Variants in SYN3 observed in about 807,000 individuals in gnomAD.
The protein encoded by SYN3 is synapsin III, also known as synapsin-3.
SYN3 carries 35 observed loss-of-function variants against 65.8 expected under a neutral mutation model. That is an observed-to-expected ratio of 0.53 (90% confidence interval 0.41 to 0.70). The LOEUF (loss-of-function observed/expected upper bound fraction) is 0.70. SYN3 is among the 30% of genes least tolerant of loss of function. SYN3 has a pLI of 0.00. For synonymous variants in SYN3, 270 were observed against 292.9 expected (o/e 0.92, Z 0.80); for missense variants, 680 against 749.0 (o/e 0.91, Z 1.08).
chr22:32,557,795 TA>T (rs1489799373), intron 7 of SYN3, among the ~76,000 whole-genome samples: 1 of 152,244 alleles, frequency 6.6e-6, no homozygotes, highest in East Asian at 1.9e-4. Flanking sequence ...TGGCACTTCC[TA>T]AACAACCCAA....
At chr22:33,027,342 A>T (rs1283693032) in intron 1 of SYN3, among the ~76,000 whole-genome samples, 1 of 152,170 alleles carries the variant, frequency 6.6e-6, no homozygotes, top group Non-Finnish European at 1.5e-5. Context: ...CACGCCTGTA[A>T]TCCCAGCACT....
chr22:32,626,273 C>T (rs570374811), intron 6 of SYN3, among the ~76,000 whole-genome samples: 10 of 152,216 alleles, frequency 6.6e-5, no homozygotes, highest in Admixed American at 3.9e-4. Flanking sequence ...GGGACACACA[C>T]GCATCTCTCT....
At chr22:32,795,959 A>ATGTC (rs751141506) in intron 6 of SYN3, among the ~76,000 whole-genome samples, 3 of 152,128 alleles carry the variant, frequency 2.0e-5, no homozygotes, top group African/African-American at 4.8e-5. Flanking sequence ...GACCAACCAC[A>ATGTC]TGTCCATCCC....
chr22:32,884,501 C>T (rs2049235617), intron 4 of SYN3, among the ~76,000 whole-genome samples: 1 of 152,188 alleles, frequency 6.6e-6, no homozygotes, highest in South Asian at 2.1e-4. Context: ...AGGCAATAAA[C>T]TTCAGATGTT....
chr22:32,637,636 T>C (rs796939411), intron 6 of SYN3, among the ~76,000 whole-genome samples: 160 of 79,498 alleles, frequency 2.0e-3, no homozygotes, highest in Non-Finnish European at 2.9e-3. Context: ...TTTTCTTTTT[T>C]TTTTTTTTTT....
At chr22:32,927,506 C>A (rs1045812230) in intron 4 of SYN3, among the ~76,000 whole-genome samples, 1 of 152,032 alleles carries the variant, frequency 6.6e-6, no homozygotes. Context: ...CACCTGGCCT[C>A]CCAAAGTGCT....
At chr22:32,710,096 C>CAA (rs1447631515) in intron 6 of SYN3, among the ~76,000 whole-genome samples, 2 of 85,990 alleles carry the variant, frequency 2.3e-5, no homozygotes, top group African/African-American at 1.3e-4. Flanking sequence ...CACACACACA[C>CAA]ACATGTGTGT....
intron 6 of SYN3, among the ~76,000 whole-genome samples, chr22:32,649,130 C>T (rs1414486902): frequency 4.6e-5 from 7 of 152,334 alleles, no homozygotes; most frequent in Admixed American, 3.9e-4. Flanking sequence ...TAATTCTGGG[C>T]TTGGTCATGT....
intron 13 of SYN3, 141 bp downstream of exon 13, chr22:32,517,902 A>C: frequency 1.1e-6 from 1 of 893,206 alleles, no homozygotes; most frequent in African/African-American, 1.7e-5. Flanking sequence ...TCTGTCCTCT[A>C]GTCCTGTTTT....
intron 6 of SYN3, among the ~76,000 whole-genome samples, chr22:32,803,978 G>T (rs564287083): frequency 1.3e-5 from 2 of 152,236 alleles, no homozygotes; most frequent in South Asian, 4.1e-4. Flanking sequence ...GGGCCTTCCC[G>T]TCTGCTTACT....
chr22:33,054,036 C>T (rs1441188879), intron 1 of SYN3, among the ~76,000 whole-genome samples: 1 of 152,266 alleles, frequency 6.6e-6, no homozygotes, highest in African/African-American at 2.4e-5. Context: ...CGTTTGGACA[C>T]GGGAGAGGGG....
chr22:32,935,144 G>A (rs1185234951), intron 3 of SYN3, among the ~76,000 whole-genome samples: 1 of 152,068 alleles, frequency 6.6e-6, no homozygotes, highest in African/African-American at 2.4e-5. Context: ...AATAACTTTG[G>A]GAATTGAATG....
chr22:33,043,369 G>A (rs574119473), intron 1 of SYN3, among the ~76,000 whole-genome samples: 6 of 152,198 alleles, frequency 3.9e-5, no homozygotes, highest in Non-Finnish European at 4.4e-5. Flanking sequence ...CCAACATGGC[G>A]AAACCCCGTC....
At chr22:32,891,045 C>T (rs1413162773) in intron 4 of SYN3, among the ~76,000 whole-genome samples, 1 of 152,156 alleles carries the variant, frequency 6.6e-6, no homozygotes, top group Non-Finnish European at 1.5e-5. Flanking sequence ...TTTGGCTGTT[C>T]CCTGCATGCA....
intron 1 of SYN3, among the ~76,000 whole-genome samples, chr22:33,031,519 C>T (rs1256568441): frequency 6.6e-6 from 1 of 152,104 alleles, no homozygotes; most frequent in Non-Finnish European, 1.5e-5. Flanking sequence ...TGGTTTCCTG[C>T]CTCCCCACGG....
intron 1 of SYN3, among the ~76,000 whole-genome samples, chr22:33,032,472 T>C (rs1237683872): frequency 1.3e-5 from 2 of 151,372 alleles, no homozygotes; most frequent in Non-Finnish European, 2.9e-5. Flanking sequence ...GCCACTGCAC[T>C]CCAGCCTGGG....
intron 1 of SYN3, among the ~76,000 whole-genome samples, chr22:33,053,678 T>C (rs1178960025): frequency 1.3e-5 from 2 of 152,222 alleles, no homozygotes; most frequent in African/African-American, 4.8e-5. Context: ...CCTCTGCTTC[T>C]GTTACAAATT....
intron 4 of SYN3, among the ~76,000 whole-genome samples, chr22:32,885,377 G>A (rs1036974028): frequency 6.6e-6 from 1 of 152,148 alleles, no homozygotes; most frequent in Non-Finnish European, 1.5e-5. Context: ...TCTCAAGGAT[G>A]GACTTTTGTT....
At chr22:32,546,390 T>C (rs2058336157) in intron 7 of SYN3, among the ~76,000 whole-genome samples, 1 of 152,220 alleles carries the variant, frequency 6.6e-6, no homozygotes, top group African/African-American at 2.4e-5. Context: ...AAAGAAACTG[T>C]TTCAAGGAAA....
Sources: gnomAD v4.1 joint callset for allele counts (sites outside exome capture counted in the v4.1 genomes callset) on GRCh38, gnomAD v4.1.1 for gene constraint, MANE v1.5 for transcripts, NCBI Gene and HGNC (gene_info 2026-07-23, HGNC 2026-07-21) for gene names.